Variants in SBF2 observed in about 807,000 individuals in gnomAD.
SBF2 encodes the protein myotubularin-related protein 13.
A neutral mutation model predicts 225.2 loss-of-function variants in SBF2; 112 were observed. The ratio of observed to expected loss-of-function variants is 0.50; its 90% CI spans 0.43 to 0.58. SBF2 has a LOEUF of 0.58. Among genes scored for constraint, SBF2 ranks in the 20% least tolerant of loss-of-function variants. The pLI is 0.00. For missense variants in SBF2, 1,996 were observed against 2,206.2 expected, an observed-to-expected ratio of 0.90 and a Z score of 1.91; for synonymous variants, 763 against 773.3, an observed-to-expected ratio of 0.99 and a Z score of 0.22.
At chr11:10,005,696 T>G (rs1345951401) in intron 6 of SBF2, among the ~76,000 whole-genome samples, 1 of 152,116 alleles carries the variant, frequency 6.6e-6, no homozygotes, top group East Asian at 1.9e-4. Context: ...TTGGATACAT[T>G]CCCTAATGTT....
At chr11:10,172,052 A>C (rs909286742) in intron 2 of SBF2, among the ~76,000 whole-genome samples, 2 of 151,916 alleles carry the variant, frequency 1.3e-5, no homozygotes, top group African/African-American at 4.8e-5. Flanking sequence ...CTCAGGCTAA[A>C]GGTTTGTCAA....
intron 26 of SBF2, among the ~76,000 whole-genome samples, chr11:9,835,026 A>T (rs983558103): frequency 6.6e-6 from 1 of 152,148 alleles, no homozygotes; most frequent in Non-Finnish European, 1.5e-5. Flanking sequence ...TGAAGCCTAA[A>T]GACCAAGAGA....
chr11:10,170,082 T>A (rs1956126564), intron 2 of SBF2, among the ~76,000 whole-genome samples: 1 of 152,162 alleles, frequency 6.6e-6, no homozygotes, highest in South Asian at 2.1e-4. Flanking sequence ...TTCTGTGGGT[T>A]GTCTCTTCAC....
chr11:9,790,898 G>A, intron 33 of SBF2: 1 of 441,100 alleles, frequency 2.3e-6, no homozygotes, highest in Non-Finnish European at 4.1e-6. Flanking sequence ...GGAAACATCT[G>A]ATAAAGTTTG....
chr11:9,852,282 T>G (rs775519107), intron 21 of SBF2, among the ~76,000 whole-genome samples: 1 of 152,016 alleles, frequency 6.6e-6, no homozygotes, highest in Non-Finnish European at 1.5e-5. Context: ...CTGTTTGGGA[T>G]GTATAGTCAG....
chr11:10,031,252 T>C (rs1435092667), intron 3 of SBF2, 82 bp from the exon 4 acceptor site: 7 of 1,309,412 alleles, frequency 5.3e-6, no homozygotes, highest in Non-Finnish European at 6.4e-6. Context: ...TCACCTTAAA[T>C]ATAACTTATG....
chr11:10,288,624 C>G (rs557624692), intron 1 of SBF2, among the ~76,000 whole-genome samples: 4 of 152,172 alleles, frequency 2.6e-5, no homozygotes, highest in African/African-American at 9.6e-5. Context: ...TCTCTGCAGG[C>G]AGATTGTCCC....
intron 16 of SBF2, among the ~76,000 whole-genome samples, chr11:9,928,170 A>G (rs1212146455): frequency 6.6e-6 from 1 of 152,224 alleles, no homozygotes; most frequent in Non-Finnish European, 1.5e-5. Flanking sequence ...GAGAATAAAA[A>G]TATAAGACAA....
At chr11:10,219,944 A>G (rs1238580270) in intron 1 of SBF2, among the ~76,000 whole-genome samples, 2 of 151,834 alleles carry the variant, frequency 1.3e-5, no homozygotes, top group African/African-American at 2.4e-5. Flanking sequence ...AACTATTCCA[A>G]CCTCTGCCTA....
chr11:9,854,472 A>G (rs1857175814), intron 19 of SBF2, among the ~76,000 whole-genome samples: 2 of 152,212 alleles, frequency 1.3e-5, no homozygotes, highest in Non-Finnish European at 2.9e-5. Flanking sequence ...AGCCAACCAC[A>G]TTAGCTGAAT....
intron 16 of SBF2, among the ~76,000 whole-genome samples, chr11:9,896,521 G>T (rs1461865969): frequency 6.6e-6 from 1 of 152,138 alleles, no homozygotes; most frequent in South Asian, 2.1e-4. Flanking sequence ...GCTGGGCGCG[G>T]TGGCTCATGC....
chr11:10,035,602 C>T (rs906073028), intron 3 of SBF2, among the ~76,000 whole-genome samples: 1 of 151,984 alleles, frequency 6.6e-6, no homozygotes, highest in African/African-American at 2.4e-5. Flanking sequence ...CAAGTGGGCA[C>T]AGGATATGAA....
At chr11:9,906,152 T>G (rs745793278) in intron 16 of SBF2, among the ~76,000 whole-genome samples, 1 of 152,178 alleles carries the variant, frequency 6.6e-6, no homozygotes, top group Non-Finnish European at 1.5e-5. Flanking sequence ...CATCTGAATT[T>G]CTTTAACAGA....
upstream of SBF2, among the ~76,000 whole-genome samples, chr11:10,299,067 G>T (rs1360142344): frequency 6.6e-6 from 1 of 152,108 alleles, no homozygotes; most frequent in Non-Finnish European, 1.5e-5. Context: ...GGCCAGGTGT[G>T]GTGGCTCACG....
At chr11:10,032,731 A>G (rs1949304681) in intron 3 of SBF2, among the ~76,000 whole-genome samples, 1 of 152,220 alleles carries the variant, frequency 6.6e-6, no homozygotes, top group Non-Finnish European at 1.5e-5. Flanking sequence ...ACATGCTCCC[A>G]TAAAGGCCAG....
chr11:9,834,551 A>G (rs376315324), intron 26 of SBF2, among the ~76,000 whole-genome samples: 1 of 152,344 alleles, frequency 6.6e-6, no homozygotes, highest in East Asian at 1.9e-4. Context: ...ACTTTACTGA[A>G]TGCCAAATTA....
At chr11:9,786,377 T>C (rs113241509) in intron 36 of SBF2, among the ~76,000 whole-genome samples, 2 of 152,336 alleles carry the variant, frequency 1.3e-5, no homozygotes, top group African/African-American at 2.4e-5. Flanking sequence ...AAAATGAACA[T>C]TATTACTTTC....
chr11:10,084,806 T>C (rs371505209), intron 2 of SBF2, among the ~76,000 whole-genome samples: 21 of 152,348 alleles, frequency 1.4e-4, no homozygotes, highest in African/African-American at 4.3e-4. Context: ...CTGGAGGCTG[T>C]TATCTTAAGT....
chr11:9,831,347 G>A (rs935776905), intron 27 of SBF2, among the ~76,000 whole-genome samples: 1 of 152,200 alleles, frequency 6.6e-6, no homozygotes, highest in African/African-American at 2.4e-5. Context: ...AGCACACAGT[G>A]TTTCAGAGGA....
Sources: gnomAD v4.1 joint callset for allele counts (sites outside exome capture counted in the v4.1 genomes callset) on GRCh38, gnomAD v4.1.1 for gene constraint, MANE v1.5 for transcripts, NCBI Gene and HGNC (gene_info 2026-07-23, HGNC 2026-07-21) for gene names.